The following TTC4 variants were observed in gnomAD, a reference collection of about 807,000 sequenced individuals.
TTC4 encodes the protein tetratricopeptide repeat domain 4.
Under a neutral mutation model 51.9 loss-of-function variants are expected in TTC4, and 36 were observed. The ratio of observed to expected loss-of-function variants is 0.69; its 90% CI spans 0.53 to 0.92. The LOEUF (loss-of-function observed/expected upper bound fraction) is 0.92. Ranked by LOEUF, TTC4 falls within the 40% of genes least tolerant of loss-of-function variation. The pLI is 0.00. For missense variants in TTC4, 399 were observed against 454.6 expected (o/e 0.88, Z 1.11); for synonymous variants, 144 against 164.2 (o/e 0.88, Z 0.94).
At chr1:54,720,370 C>T (rs1318445298) in intron 3 of TTC4, among the ~76,000 whole-genome samples, 2 of 151,028 alleles carry the variant, frequency 1.3e-5, no homozygotes, top group Non-Finnish European at 2.9e-5. Flanking sequence ...TTATAGTATA[C>T]TCCAGAAAGT....
intron 4 of TTC4, 40 bp from the exon 5 acceptor site, chr1:54,722,635 G>A: frequency 6.2e-7 from 1 of 1,605,916 alleles, no homozygotes; most frequent in Non-Finnish European, 8.5e-7. Context: ...TTCTTTCCAT[G>A]CATGTTTTTC....
intron 3 of TTC4, among the ~76,000 whole-genome samples, chr1:54,719,511 T>G (rs185057833): frequency 1.3e-3 from 167 of 129,904 alleles, no homozygotes; most frequent in Non-Finnish European, 2.3e-3. Flanking sequence ...CTGCCTCCTT[T>G]AACTAAAAGT....
chr1:54,716,819 C>A (rs1645682590), intron 2 of TTC4, 102 bp downstream of exon 2: 1 of 911,010 alleles, frequency 1.1e-6, no homozygotes, highest in East Asian at 2.5e-5. Context: ...TTAGCCTGAG[C>A]TAACTTGTCA....
chr1:54,720,666 T>C (rs1023445674), intron 3 of TTC4, among the ~76,000 whole-genome samples: 10 of 152,244 alleles, frequency 6.6e-5, no homozygotes, highest in African/African-American at 2.2e-4. Context: ...CATTACCAAA[T>C]TGAGGATATT....
At chr1:54,717,840 T>A in intron 3 of TTC4, 187 bp downstream of exon 3, 1 of 499,006 alleles carries the variant, frequency 2.0e-6, no homozygotes, top group Non-Finnish European at 3.2e-6. Context: ...ATGGATTGTG[T>A]AATTCTTACT....
At chr1:54,734,081 T>TAAAA (rs1645905046) in intron 8 of TTC4, among the ~76,000 whole-genome samples, 1 of 151,994 alleles carries the variant, frequency 6.6e-6, no homozygotes, top group African/African-American at 2.4e-5. Flanking sequence ...CTTTTTTTTT[T>TAAAA]AAATTTTTGA....
chr1:54,719,219 T>C (rs1173317332), intron 3 of TTC4, among the ~76,000 whole-genome samples: 1 of 149,970 alleles, frequency 6.7e-6, no homozygotes, highest in African/African-American at 2.4e-5. Context: ...TATGGGACTC[T>C]GACTGCTTCT....
chr1:54,733,418 CAAAAAAA>C (rs56941240), intron 7 of TTC4, among the ~76,000 whole-genome samples: 7,895 of 121,028 alleles, frequency 0.065, 534 homozygotes, highest in East Asian at 0.18. Flanking sequence ...GACCCTGTCT[CAAAAAAA>C]AAAAATAAAA....
In TTC4 at chr1:54,716,654, A is replaced by G. The variant is rs1215686176; in HGVS notation, c.166A>G (p.Arg56Gly). Reference protein sequence around the residue: ...MSRAPSEIDPRENPDLACLQS... With the variant: ...MSRAPSEIDPGENPDLACLQS... ...GAGAGCGCCATCAGAAATTGATCCC[A>G]GGGAGAATCCTGACTTGGCTTGTCT... Residue 56 changes from arginine (R) to glycine (G), a missense_variant, in exon 2 of 10, where the codon AGG (arginine) becomes GGG (glycine). Physicochemically the swap from Arg to Gly is moderately radical, Grantham distance 125 (BLOSUM62 -2). Transcript: ENST00000371281. 3.7e-6 allele frequency: 6 copies of G among 1,613,750 alleles called. No homozygotes were observed. Among genetic ancestry groups the G allele is most frequent in the African/African-American group, 1.3e-5 (1 of 74,940 alleles).
At chr1:54,716,040 C>T (rs1293429404) in intron 1 of TTC4, 21 bp downstream of exon 1, 1 of 1,557,982 alleles carries the variant, frequency 6.4e-7, no homozygotes, top group African/African-American at 1.4e-5. Flanking sequence ...CTGGGGTCTC[C>T]CCACGTGTGT....
At chr1:54,717,389 G>A (rs914254894) in intron 2 of TTC4, 103 bp from the exon 3 acceptor site, 38 of 1,070,004 alleles carry the variant, frequency 3.6e-5, no homozygotes, top group East Asian at 1.6e-4. Context: ...TGGTTTCTTC[G>A]CTTTGGTGTG....
rs1424010433 is a variant in TTC4 at position 54,733,623 on chromosome 1, C to T, written c.897-6C>T. 6.3e-7 allele frequency: 1 copy of T among 1,593,546 alleles called. No homozygotes were observed. Among genetic ancestry groups the T allele is most frequent in the Admixed American group, 1.8e-5 (1 of 56,932 alleles). Reference sequence around the variant, plus strand: ...GATACCCAGAAAGTACATGTTTTATCCTTAGGTTTATTGATCATCTAATGG... The same window carrying T: ...GATACCCAGAAAGTACATGTTTTATTCTTAGGTTTATTGATCATCTAATGG... On this transcript the variant is annotated splice_polypyrimidine_tract_variant and splice_region_variant and intron_variant, in intron 7 of 9. Coordinates refer to ENST00000371281, the MANE Select transcript of TTC4 (RefSeq NM_004623.5).
intron 5 of TTC4, among the ~76,000 whole-genome samples, chr1:54,724,086 A>T (rs757179367): frequency 2.0e-5 from 3 of 152,174 alleles, no homozygotes; most frequent in Non-Finnish European, 4.4e-5. Flanking sequence ...CAGAAGCCTG[A>T]TATTAGGTCT....
At chr1:54,720,039 T>C (rs1167648524) in intron 3 of TTC4, among the ~76,000 whole-genome samples, 1 of 152,052 alleles carries the variant, frequency 6.6e-6, no homozygotes, top group African/African-American at 2.4e-5. Flanking sequence ...GGTAGAACTA[T>C]AGGCATGTAC....
intron 7 of TTC4, among the ~76,000 whole-genome samples, chr1:54,732,974 C>G (rs1645886009): frequency 6.6e-6 from 1 of 151,778 alleles, no homozygotes; most frequent in African/African-American, 2.4e-5. Context: ...GTAGTCCCAG[C>G]TGTCTGGGAG....
chr1:54,723,177 G>A (rs1294213639), intron 5 of TTC4, among the ~76,000 whole-genome samples: 1 of 152,190 alleles, frequency 6.6e-6, no homozygotes, highest in Non-Finnish European at 1.5e-5. Flanking sequence ...AGGATTCAGT[G>A]TAGTTATGTG....
Position 54,741,896 on chromosome 1 carries a change from A to T in TTC4, c.*383A>T. On this transcript the variant is annotated 3_prime_UTR_variant, in exon 10 of 10. Coordinates refer to ENST00000371281, the MANE Select transcript of TTC4 (RefSeq NM_004623.5). The stretch of plus-strand genomic sequence containing the variant: ...GACACCTTAGAGAAGCTACCCCTCA[A>T]ACTGCACATCTACACACAAACAAAC... 5.2e-6 allele frequency: 1 copy of T among 192,854 alleles called. No homozygotes were observed. The highest frequency in any genetic ancestry group is 1.0e-5 in the Non-Finnish European group (1 of 96,280). 11.9% of individuals were successfully genotyped at this position (192,854 alleles called of 1,614,324 possible).
chr1:54,719,473 G>A (rs1645717676), intron 3 of TTC4, among the ~76,000 whole-genome samples: 1 of 152,158 alleles, frequency 6.6e-6, no homozygotes, highest in South Asian at 2.1e-4. Flanking sequence ...AGAGAGAGTG[G>A]GGATTGAGTT....
At chr1:54,735,156 G>T (rs79181702) in intron 8 of TTC4, among the ~76,000 whole-genome samples, 7,730 of 151,916 alleles carry the variant, frequency 0.051, 216 homozygotes, top group South Asian at 0.076. Context: ...CACTTATTTT[G>T]TAGAATGTCT....
Sources: gnomAD v4.1 joint callset for allele counts (sites outside exome capture counted in the v4.1 genomes callset) on GRCh38, gnomAD v4.1.1 for gene constraint, MANE v1.5 for transcripts, NCBI Gene and HGNC (gene_info 2026-07-23, HGNC 2026-07-21) for gene names.